JMY: variants seen among roughly 807,000 people sequenced by gnomAD.
JMY encodes junction mediating and regulatory protein, p53 cofactor.
A neutral mutation model predicts 103.3 loss-of-function variants in JMY; 46 were observed. That is an observed-to-expected ratio of 0.45 (90% CI 0.35 to 0.57). The LOEUF is 0.57. Ranked by LOEUF, JMY falls within the 20% of genes least tolerant of loss-of-function variation. JMY has a pLI of 0.00. For synonymous variants in JMY, 526 were observed against 489.3 expected (o/e 1.07, Z -0.99); for missense variants, 1,238 against 1,255.2 (o/e 0.99, Z 0.21).
intron 7 of JMY, among the ~76,000 whole-genome samples, chr5:79,307,493 T>G (rs1350364998): frequency 6.6e-6 from 1 of 151,910 alleles, no homozygotes; most frequent in East Asian, 1.9e-4. Flanking sequence ...GTGTGTGTGT[T>G]TAAGAGATGG....
At chr5:79,302,986 TA>T (rs919716640) in intron 6 of JMY, among the ~76,000 whole-genome samples, 1 of 152,156 alleles carries the variant, frequency 6.6e-6, no homozygotes, top group Non-Finnish European at 1.5e-5. Context: ...AGCCATTCTC[TA>T]TCAACCCTCT....
intron 1 of JMY, among the ~76,000 whole-genome samples, chr5:79,241,029 T>C (rs1744724449): frequency 6.6e-6 from 1 of 152,232 alleles, no homozygotes; most frequent in African/African-American, 2.4e-5. Context: ...TTACAATACT[T>C]AGTCCTTTTC....
chr5:79,273,478 A>G (rs372280231), intron 1 of JMY, among the ~76,000 whole-genome samples: 25 of 152,282 alleles, frequency 1.6e-4, no homozygotes, highest in East Asian at 9.6e-4. Flanking sequence ...TTTGACTATA[A>G]TATGATAAAC....
At chr5:79,241,085 G>A (rs1035007666) in intron 1 of JMY, among the ~76,000 whole-genome samples, 6 of 152,030 alleles carry the variant, frequency 3.9e-5, no homozygotes, top group Non-Finnish European at 7.4e-5. Context: ...TTTTCCTACA[G>A]TATTCCTTTC....
chr5:79,270,333 T>TTACA (rs1385036401), intron 1 of JMY, among the ~76,000 whole-genome samples: 108 of 140,572 alleles, frequency 7.7e-4, no homozygotes, highest in Middle Eastern at 3.8e-3. Flanking sequence ...ACATAAATAT[T>TTACA]TAAAATATAT....
chr5:79,251,644 A>G lies in JMY; in HGVS notation c.1032+13962A>G, dbSNP rs1319115917. Among the ~76,000 whole-genome samples, 4 of 148,760 alleles carry G rather than the reference A, an allele frequency of 2.7e-5. No individual in the cohort carries two copies. The East Asian group carries it at 5.9e-4, about 22-fold the overall frequency. On this transcript the variant is annotated intron_variant, in intron 1 of 10. Coordinates refer to ENST00000396137, the MANE Select transcript of JMY (RefSeq NM_152405.5). ...CATTCTATTTTTTTTTTTTTTACCC[A>G]TTAGCCGCCCCCACCTCCCCCTCAA...
rs187759685 is a variant in JMY, at chr5:79,248,411, A to G, written c.1032+10729A>G. ...AGCCTCTGCCTCCCAGGTGCAAGCA[A>G]TTCTCCTGCCTCAGCCTCCCAAGTA... is the stretch of plus-strand genomic sequence containing the variant. On this transcript the variant is annotated intron_variant, in intron 1 of 10. Transcript: ENST00000396137. Among the ~76,000 whole-genome samples, 465 of 151,722 alleles carry G rather than the reference A, an allele frequency of 3.1e-3. 2 individuals are homozygous for G. Among genetic ancestry groups the G allele is most frequent in the African/African-American group, 0.01 (430 of 41,342 alleles).
intron 1 of JMY, among the ~76,000 whole-genome samples, chr5:79,275,900 C>T (rs556997213): frequency 6.6e-6 from 1 of 152,234 alleles, no homozygotes; most frequent in African/African-American, 2.4e-5. Context: ...GGAAATGAGT[C>T]TGAAGTCTCA....
Position 79,237,547 on chromosome 5 carries a change from C to T in JMY, c.897C>T (p.Thr299=). The change falls in exon 1 of 11, where the codon ACC becomes ACT. Residue 299 remains threonine, a synonymous_variant. Transcript: ENST00000396137. ...LQVYLGHGLD[T]CGWKILSQVL... ...TCTACCTGGGCCACGGCCTGGACACCTGCGGCTGGAAGATCCTCTCCCAGG... is the reference window on the plus strand; with the variant it reads ...TCTACCTGGGCCACGGCCTGGACACTTGCGGCTGGAAGATCCTCTCCCAGG... The T allele has an allele frequency of 6.2e-7, 1 of 1,613,714 alleles. No homozygotes were observed. The highest frequency in any genetic ancestry group is 8.5e-7 in the Non-Finnish European group (1 of 1,180,020).
intron 1 of JMY, among the ~76,000 whole-genome samples, chr5:79,250,650 C>CTTT (rs200738584): frequency 6.5e-5 from 8 of 122,738 alleles, no homozygotes; most frequent in Non-Finnish European, 1.0e-4. Context: ...AATTATTTTT[C>CTTT]TTTTTTTTTT....
intron 8 of JMY, among the ~76,000 whole-genome samples, chr5:79,313,410 C>T (rs951417307): frequency 2.6e-5 from 4 of 151,964 alleles, no homozygotes; most frequent in African/African-American, 9.7e-5. Context: ...CAGAGTGAGA[C>T]CCTGTCTCAA....
chr5:79,253,459 G>GT (rs1201573936), intron 1 of JMY, among the ~76,000 whole-genome samples: 2 of 151,860 alleles, frequency 1.3e-5, no homozygotes, highest in African/African-American at 2.4e-5. Flanking sequence ...AGCCCAGCTG[G>GT]TTTTTTGTGT....
chr5:79,317,147 C>T (rs951444906), intron 10 of JMY, among the ~76,000 whole-genome samples: 1 of 151,904 alleles, frequency 6.6e-6, no homozygotes, highest in African/African-American at 2.4e-5. Flanking sequence ...GTCATGTTAG[C>T]TGACCTCAAA....
At chr5:79,284,814 T>C (rs1746221296) in intron 2 of JMY, 2 of 1,576,886 alleles carry the variant, frequency 1.3e-6, no homozygotes, top group South Asian at 2.2e-5. Flanking sequence ...ACATAGCAGG[T>C]GCTTTCACAT....
intron 2 of JMY, chr5:79,284,162 A>T: frequency 1.3e-6 from 2 of 1,567,630 alleles, no homozygotes; most frequent in South Asian, 2.3e-5. Flanking sequence ...GTGGTTCAAA[A>T]CCATCAGCTC....
intron 2 of JMY, chr5:79,284,495 GT>G: frequency 6.3e-7 from 1 of 1,587,528 alleles, no homozygotes. Context: ...GCGTTTTTTA[GT>G]AAAACCAACA....
Position 79,290,120 on chromosome 5 carries a change from G to T in JMY, c.1207-1G>T. ...TTAATTTTTTCTTTTTCTCTCTGAAGATTTCCATGGAGAATGATTATCTGG... is the reference window on the plus strand; with the variant it reads ...TTAATTTTTTCTTTTTCTCTCTGAATATTTCCATGGAGAATGATTATCTGG... On this transcript the variant is annotated splice_acceptor_variant, in intron 2 of 10. Transcript: ENST00000396137. LOFTEE classifies it high-confidence loss of function. 1 of 1,565,724 alleles carries T rather than the reference G, an allele frequency of 6.4e-7. No homozygotes were observed. Among genetic ancestry groups the T allele is most frequent in the Non-Finnish European group, 8.6e-7 (1 of 1,160,546 alleles).
Position 79,261,620 on chromosome 5 carries a change from C to T in JMY, c.1033-16290C>T, listed in dbSNP as rs115112705. On this transcript the variant is annotated intron_variant, in intron 1 of 10. Coordinates refer to ENST00000396137, the MANE Select transcript of JMY (RefSeq NM_152405.5). ...GCGTGAATTACTATTTTCCCTAACC[C>T]CCCTTACATGAAAATTGTGTACTTC... Among the ~76,000 whole-genome samples the T allele has an allele frequency of 9.2e-3, 1,404 of 152,234 alleles. 22 individuals carry two copies. The highest frequency in any genetic ancestry group is 0.031 in the African/African-American group (1,302 of 41,532).
chr5:79,256,525 G>A (rs79947651), intron 1 of JMY, among the ~76,000 whole-genome samples: 1,678 of 152,180 alleles, frequency 0.011, 34 homozygotes, highest in African/African-American at 0.038. Context: ...GCAGAGTCTC[G>A]TAAAGGGTAA....
Sources: gnomAD v4.1 joint callset for allele counts (sites outside exome capture counted in the v4.1 genomes callset) on GRCh38, gnomAD v4.1.1 for gene constraint, MANE v1.5 for transcripts, NCBI Gene and HGNC (gene_info 2026-07-23, HGNC 2026-07-21) for gene names.